The following LPL variants were observed in gnomAD, a reference collection of about 807,000 sequenced individuals.
LPL encodes phospholipase A1.
Under a neutral mutation model 52.2 loss-of-function variants are expected in LPL, and 43 were observed. The observed-to-expected ratio is 0.82, with a 90% confidence interval of 0.64 to 1.06. The LOEUF is 1.06. Among genes scored for constraint, LPL ranks in the 50% least tolerant of loss-of-function variants. The pLI, the probability that LPL is intolerant of heterozygous loss-of-function variation, is 0.00. For missense variants in LPL, 639 were observed against 585.3 expected (o/e 1.09, Z -0.95); for synonymous variants, 244 against 215.6 (o/e 1.13, Z -1.15).
At chr8:19,963,083 T>A (rs752371073) in intron 9 of LPL, among the ~76,000 whole-genome samples, 2 of 152,230 alleles carry the variant, frequency 1.3e-5, no homozygotes, top group Non-Finnish European at 2.9e-5. Flanking sequence ...AGACACAGTG[T>A]CATCTGGAAA....
chr8:19,959,743 T>C (rs1429897582), intron 7 of LPL, among the ~76,000 whole-genome samples: 1 of 144,562 alleles, frequency 6.9e-6, no homozygotes, highest in Non-Finnish European at 1.5e-5. Flanking sequence ...ACAGAAAATA[T>C]AAGTAGTAAG....
In LPL at chr8:19,939,550, C is replaced by T. The variant is rs756260417; in HGVS notation, c.88+22C>T. 10 of 1,599,530 alleles carry T rather than the reference C, an allele frequency of 6.3e-6. No individual in the cohort carries two copies. Among genetic ancestry groups the T allele is most frequent in the South Asian group, 4.5e-5 (4 of 89,338 alleles). On this transcript the variant is annotated intron_variant, in intron 1 of 9. Transcript: ENST00000650287. This position sits in a 1 kb window ranked among gnomAD's most constrained non-coding sequence, Gnocchi z 4.0. ...GACCGTAAGTTTTGCGCGCAAACTC[C>T]CCTCCACCTGCAGACCCGGCGGGTG...
chr8:19,953,156 T>C (rs555143403), intron 3 of LPL, among the ~76,000 whole-genome samples, 154 bp from the exon 4 acceptor site: 42 of 152,300 alleles, frequency 2.8e-4, no homozygotes, highest in African/African-American at 9.4e-4. Context: ...TAGAGAATAT[T>C]TTCTCTCTCT....
intron 5 of LPL, among the ~76,000 whole-genome samples, chr8:19,955,326 A>T (rs1157507218): frequency 1.3e-5 from 2 of 152,164 alleles, no homozygotes; most frequent in Non-Finnish European, 2.9e-5. Flanking sequence ...CCAACTTTAC[A>T]ATTGGGCTGT....
chr8:19,948,368 G>T (rs955907520), intron 2 of LPL, 28 bp downstream of exon 2: 29 of 1,613,064 alleles, frequency 1.8e-5, no homozygotes, highest in Non-Finnish European at 2.4e-5. Context: ...GGGAAGAGTG[G>T]ATTGGGGTGG....
chr8:19,945,635 T>C (rs1412131639), intron 1 of LPL, among the ~76,000 whole-genome samples: 3 of 152,148 alleles, frequency 2.0e-5, no homozygotes, highest in Admixed American at 6.5e-5. Flanking sequence ...ATAGACTTTT[T>C]TTCATGGAAC....
chr8:19,958,859 G>A lies in LPL; in HGVS notation c.1019-401G>A, dbSNP rs117021741. ...GACATATAGTGACACAGAAGCAAAT[G>A]TCAAATATGCTTGCTCCAGATGCTA... is the stretch of plus-strand genomic sequence containing the variant. On this transcript the variant is annotated intron_variant, in intron 6 of 9. Transcript: ENST00000650287. 2.0e-4 allele frequency among the ~76,000 whole-genome samples: 31 copies of A among 152,296 alleles called. 1 individual carries two copies. The East Asian group carries it at 5.4e-3, about 27-fold the overall frequency.
rs190249506 is a variant in LPL, at chr8:19,956,117, A to G, written c.1018+34A>G. 5,128 of 1,613,300 alleles carry G rather than the reference A, an allele frequency of 3.2e-3. 36 individuals carry two copies. The highest frequency in any genetic ancestry group is 3.5e-3 in the Non-Finnish European group (4,102 of 1,179,918). ...GAGACTGTTGTAAATAAGGAAACCA[A>G]GGAGTCCTATTTCATCATGCTCACT... On this transcript the variant is annotated intron_variant, in intron 6 of 9. Transcript: ENST00000650287.
At chr8:19,960,745 C>T (rs1186783352) in intron 7 of LPL, among the ~76,000 whole-genome samples, 156 bp from the exon 8 acceptor site, 1 of 152,108 alleles carries the variant, frequency 6.6e-6, no homozygotes, top group Admixed American at 6.5e-5. Context: ...TAAATGCCAT[C>T]GACCTTCATT....
chr8:19,948,947 G>A (rs2069908243), intron 2 of LPL, among the ~76,000 whole-genome samples: 1 of 150,064 alleles, frequency 6.7e-6, no homozygotes, highest in East Asian at 1.9e-4. Flanking sequence ...AAAAAAAAAA[G>A]GGCTGGGCAG....
At chr8:19,951,668 A>G (rs1316168288) in intron 2 of LPL, 101 bp from the exon 3 acceptor site, 3 of 1,299,256 alleles carry the variant, frequency 2.3e-6, no homozygotes, top group Non-Finnish European at 3.4e-6. Context: ...TGGGTTTCCA[A>G]TCAAGTTTGT....
At chr8:19,961,234 C>A (rs1374334084) in intron 8 of LPL, 151 bp downstream of exon 8, 4 of 130,626 alleles carry the variant, frequency 3.1e-5, no homozygotes, top group Non-Finnish European at 3.7e-5. Flanking sequence ...TAGGAGTCTT[C>A]TTTTATTTTC....
intron 6 of LPL, among the ~76,000 whole-genome samples, chr8:19,957,439 G>A (rs1406087082): frequency 6.6e-6 from 1 of 152,178 alleles, no homozygotes; most frequent in Non-Finnish European, 1.5e-5. Flanking sequence ...TGTGCTTCAA[G>A]GAAACCTTAA....
chr8:19,948,407 G>C, intron 2 of LPL, 67 bp downstream of exon 2: 1 of 1,583,372 alleles, frequency 6.3e-7, no homozygotes, highest in Non-Finnish European at 8.6e-7. Context: ...CTGCCCAATT[G>C]TTGGGGACCC....
rs2069926211 is a variant in LPL, at chr8:19,950,717, T to G, written c.250-1052T>G. ...TACTCAGGAGGCTGAGGCAGGAGAA[T>G]CGCTTGAACCAAGGAGGCGGAGGTT... is the stretch of plus-strand genomic sequence containing the variant. On this transcript the variant is annotated intron_variant, in intron 2 of 9. Transcript: ENST00000650287. This position sits in a 1 kb window ranked among gnomAD's most constrained non-coding sequence, Gnocchi z 4.2. Among the ~76,000 whole-genome samples the G allele has an allele frequency of 6.6e-6, 1 of 152,042 alleles. No homozygotes were observed. The highest frequency in any genetic ancestry group is 1.5e-5 in the Non-Finnish European group (1 of 68,002).
At chr8:19,942,304 C>T (rs1348851972) in intron 1 of LPL, among the ~76,000 whole-genome samples, 1 of 152,114 alleles carries the variant, frequency 6.6e-6, no homozygotes, top group Non-Finnish European at 1.5e-5. Context: ...GTGACCACCA[C>T]AAAGACTGCA....
rs539997018 is a variant in LPL at position 19,939,508 on chromosome 8, G to T, written c.68G>T (p.Gly23Val). ...CTCCAGAGTCTGACCGCCTCCCGCGGAGGGGTGGCCGCCGCCGACCGTAAG... is the reference window on the plus strand; with the variant it reads ...CTCCAGAGTCTGACCGCCTCCCGCGTAGGGGTGGCCGCCGCCGACCGTAAG... ...VWLQSLTASR[G>V]GVAAADQRRD... The change falls in exon 1 of 10, where the codon GGA becomes GTA. Residue 23 changes from glycine to valine, a missense_variant. By Grantham distance (109) the Gly-to-Val change is moderately radical (BLOSUM62 -3). Coordinates refer to ENST00000650287, the MANE Select transcript of LPL (RefSeq NM_000237.3). This position sits in a 1 kb window ranked among gnomAD's most constrained non-coding sequence, Gnocchi z 4.0. The T allele has an allele frequency of 6.2e-7, 1 of 1,609,800 alleles. No homozygotes were observed. Among genetic ancestry groups the T allele is most frequent in the Non-Finnish European group, 8.5e-7 (1 of 1,178,726 alleles).
rs1056179669 is a variant in LPL, at chr8:19,939,840, G to C, written c.88+312G>C. Among the ~76,000 whole-genome samples the C allele has an allele frequency of 3.3e-5, 5 of 152,202 alleles. No individual in the cohort carries two copies. The highest frequency in any genetic ancestry group is 1.2e-4 in the African/African-American group (5 of 41,470). On this transcript the variant is annotated intron_variant, in intron 1 of 9. Transcript: ENST00000650287. This position sits in a 1 kb window ranked among gnomAD's most constrained non-coding sequence, Gnocchi z 4.0. ...CAGGCTCCGCCGGGGAGGTTCCGGG[G>C]TGTGGGGGCCGGGACGGCGGAGGCG...
At chr8:19,954,405 T>C in intron 5 of LPL, 52 bp downstream of exon 5, 2 of 1,534,732 alleles carry the variant, frequency 1.3e-6, no homozygotes, top group East Asian at 2.2e-5. Context: ...TTAACCCTTA[T>C]TGACCCAATG....
Sources: gnomAD v4.1 joint callset for allele counts (sites outside exome capture counted in the v4.1 genomes callset) on GRCh38, gnomAD v4.1.1 for gene constraint, Gnocchi (gnomAD v3.1) non-coding constraint, MANE v1.5 for transcripts, NCBI Gene and HGNC (gene_info 2026-07-23, HGNC 2026-07-21) for gene names.